Variants in SPOCK1 observed in about 807,000 individuals in gnomAD.
The protein encoded by SPOCK1 is testican-1.
A neutral mutation model predicts 55.3 loss-of-function variants in SPOCK1; 23 were observed. That is an observed-to-expected ratio of 0.42 (90% confidence interval 0.30 to 0.59). The LOEUF (loss-of-function observed/expected upper bound fraction) is 0.59. Among genes scored for constraint, SPOCK1 ranks in the 20% least tolerant of loss-of-function variants. SPOCK1 has a pLI of 0.22. For synonymous variants in SPOCK1, 226 were observed against 221.0 expected (o/e 1.02, Z -0.20); for missense variants, 499 against 552.5 (o/e 0.90, Z 0.97).
chr5:137,253,630 T>G (rs1188094511), intron 3 of SPOCK1, among the ~76,000 whole-genome samples: 1 of 152,170 alleles, frequency 6.6e-6, no homozygotes, highest in Admixed American at 6.5e-5. Context: ...TGTCTACTCT[T>G]ACATGTACAC....
intron 2 of SPOCK1, among the ~76,000 whole-genome samples, chr5:137,340,628 C>G (rs756054719): frequency 6.6e-6 from 1 of 152,152 alleles, no homozygotes; most frequent in East Asian, 1.9e-4. Flanking sequence ...CGCCTGTAAT[C>G]CCAGCACTTT....
chr5:136,978,462 C>T lies in SPOCK1; in HGVS notation c.*192G>A. On this transcript the variant is annotated 3_prime_UTR_variant, in exon 11 of 11. Coordinates refer to ENST00000394945, the MANE Select transcript of SPOCK1 (RefSeq NM_004598.4). ...CAACAACAAAAAAAAAACACAACAC[C>T]CTTTCTCCCATACAAACATATGCAA... is the stretch of plus-strand genomic sequence containing the variant. The T allele has an allele frequency of 2.1e-6, 1 of 472,250 alleles. No individual in the cohort carries two copies. Among genetic ancestry groups the T allele is most frequent in the East Asian group, 3.4e-5 (1 of 29,040 alleles). The allele number at this position is 472,250 out of a possible 1,614,324, so 29.3% of individuals were successfully genotyped here. A position where few individuals can be genotyped will look rare whatever the true frequency, so the allele number is the denominator to read the frequency against.
chr5:137,129,116 A>G (rs1753828526), intron 4 of SPOCK1, among the ~76,000 whole-genome samples: 1 of 152,216 alleles, frequency 6.6e-6, no homozygotes, highest in Non-Finnish European at 1.5e-5. Flanking sequence ...GCATGTCCTC[A>G]TGGTCTTCAG....
At chr5:137,183,958 T>C (rs1488277408) in intron 3 of SPOCK1, among the ~76,000 whole-genome samples, 5 of 152,294 alleles carry the variant, frequency 3.3e-5, no homozygotes, top group South Asian at 4.1e-4. Context: ...ATCTATCGCA[T>C]AGGAGACAAT....
intron 2 of SPOCK1, among the ~76,000 whole-genome samples, chr5:137,405,852 G>A (rs145772761): frequency 3.3e-5 from 5 of 152,156 alleles, no homozygotes; most frequent in African/African-American, 7.2e-5. Context: ...CACACCATCC[G>A]GGAACTCAGA....
chr5:137,455,329 C>T (rs1039701311), intron 2 of SPOCK1, among the ~76,000 whole-genome samples: 7 of 152,164 alleles, frequency 4.6e-5, no homozygotes. Flanking sequence ...AGTAACTCAT[C>T]AAGAAGGAAA....
chr5:137,204,212 G>C (rs1373570304), intron 3 of SPOCK1, among the ~76,000 whole-genome samples: 1 of 151,048 alleles, frequency 6.6e-6, no homozygotes, highest in Admixed American at 6.6e-5. Flanking sequence ...CTTAATAAAT[G>C]TTAGATGCTA....
At chr5:137,236,968 C>A (rs1293385953) in intron 3 of SPOCK1, among the ~76,000 whole-genome samples, 1 of 152,154 alleles carries the variant, frequency 6.6e-6, no homozygotes, top group African/African-American at 2.4e-5. Flanking sequence ...GGGTGAGGAC[C>A]AACGCAGGGA....
At chr5:137,399,099 T>C (rs539153462) in intron 2 of SPOCK1, among the ~76,000 whole-genome samples, 74 of 152,350 alleles carry the variant, frequency 4.9e-4, no homozygotes, top group Non-Finnish European at 9.1e-4. Context: ...TATATTATAA[T>C]AAGCCTTTTA....
chr5:137,283,079 C>T (rs1718477089), intron 2 of SPOCK1, among the ~76,000 whole-genome samples: 1 of 152,244 alleles, frequency 6.6e-6, no homozygotes, highest in Admixed American at 6.5e-5. Flanking sequence ...ATGCGAGGCT[C>T]AGTTCCTCGT....
chr5:137,169,991 T>C (rs943924365), intron 3 of SPOCK1, among the ~76,000 whole-genome samples: 1 of 152,200 alleles, frequency 6.6e-6, no homozygotes, highest in African/African-American at 2.4e-5. Context: ...GATATACCCA[T>C]GCAACTACAG....
At position 136,976,280 on chromosome 5, in the gene SPOCK1, T is replaced by C. The variant is rs1464853702; in HGVS notation, c.*2374A>G. ...TGAGGAGGGCTTTTTATTTAATGTTTTAATGAATCAAAATATCTTCTTAGA... is the reference window on the plus strand; with the variant it reads ...TGAGGAGGGCTTTTTATTTAATGTTCTAATGAATCAAAATATCTTCTTAGA... On this transcript the variant is annotated 3_prime_UTR_variant, in exon 11 of 11. Transcript: ENST00000394945. 1 of 152,486 alleles carries C rather than the reference T, an allele frequency of 6.6e-6. No homozygotes were observed. Among genetic ancestry groups the C allele is most frequent in the Admixed American group, 6.5e-5 (1 of 15,280 alleles). The allele number at this position is 152,486 out of a possible 1,614,324, so 9.4% of individuals were successfully genotyped here.
intron 6 of SPOCK1, among the ~76,000 whole-genome samples, chr5:137,015,032 A>T (rs1225796762): frequency 6.6e-6 from 1 of 152,236 alleles, no homozygotes; most frequent in Non-Finnish European, 1.5e-5. Flanking sequence ...GTAAAAGCGA[A>T]TTCTGAAACC....
At position 137,260,931 on chromosome 5, in the gene SPOCK1, T is replaced by C. The variant is rs180697048; in HGVS notation, c.232+6079A>G. On this transcript the variant is annotated intron_variant, in intron 3 of 10. Coordinates refer to ENST00000394945, the MANE Select transcript of SPOCK1 (RefSeq NM_004598.4). ...AGAGAGCAGGTTAATGTGAATAAGA[T>C]GAGTAGTTGCTGTTGGGGAAAGCAT... is the stretch of plus-strand genomic sequence containing the variant. 6.6e-5 allele frequency among the ~76,000 whole-genome samples: 10 copies of C among 152,264 alleles called. No homozygotes were observed. In the East Asian group the frequency reaches 1.9e-3, roughly 29 times the overall value.
At chr5:137,016,911 C>G (rs1362231535) in intron 6 of SPOCK1, among the ~76,000 whole-genome samples, 1 of 152,242 alleles carries the variant, frequency 6.6e-6, no homozygotes, top group Admixed American at 6.5e-5. Flanking sequence ...AAACCAGGAA[C>G]AATGGGGCTT....
At chr5:137,278,956 T>A (rs1283587346) in intron 2 of SPOCK1, among the ~76,000 whole-genome samples, 1 of 152,170 alleles carries the variant, frequency 6.6e-6, no homozygotes, top group Non-Finnish European at 1.5e-5. Flanking sequence ...GCTGTCCTAC[T>A]TCCCCCCAGG....
chr5:137,372,905 C>A (rs1222868477), intron 2 of SPOCK1, among the ~76,000 whole-genome samples: 1 of 152,228 alleles, frequency 6.6e-6, no homozygotes, highest in Non-Finnish European at 1.5e-5. Context: ...CAGAGAGGAA[C>A]TCTTTGCAGC....
intron 3 of SPOCK1, among the ~76,000 whole-genome samples, chr5:137,170,992 A>C (rs1307621836): frequency 6.6e-6 from 1 of 152,114 alleles, no homozygotes; most frequent in Non-Finnish European, 1.5e-5. Context: ...GCCCACAGTT[A>C]ACCAGGTGAG....
intron 2 of SPOCK1, among the ~76,000 whole-genome samples, chr5:137,414,589 G>A (rs1271066773): frequency 1.3e-5 from 2 of 152,114 alleles, no homozygotes; most frequent in African/African-American, 2.4e-5. Flanking sequence ...CTTGCTGGGG[G>A]CGAAACATTG....
Sources: allele counts gnomAD v4.1 joint callset (sites outside exome capture counted in the v4.1 genomes callset), GRCh38; gene constraint gnomAD v4.1.1; transcripts MANE v1.5; gene names NCBI Gene and HGNC (gene_info 2026-07-23, HGNC 2026-07-21).